SYT1: variants seen among roughly 807,000 people sequenced by gnomAD.
SYT1 encodes synaptotagmin-1.
SYT1 carries 8 observed loss-of-function variants against 44.8 expected under a neutral mutation model. The ratio of observed to expected loss-of-function variants is 0.18; its 90% CI spans 0.10 to 0.32. The LOEUF (loss-of-function observed/expected upper bound fraction) is 0.32. Among genes scored for constraint, SYT1 ranks in the 10% least tolerant of loss-of-function variants. The pLI, the probability that SYT1 is intolerant of heterozygous loss-of-function variation, is 1.00. For synonymous variants in SYT1, 154 were observed against 188.8 expected (o/e 0.82, Z 1.51); for missense variants, 286 against 509.3 (o/e 0.56, Z 4.22).
chr12:79,206,642 T>G (rs1305877254), intron 3 of SYT1, among the ~76,000 whole-genome samples: 2 of 152,342 alleles, frequency 1.3e-5, no homozygotes, highest in African/African-American at 2.4e-5. Flanking sequence ...CATCACTCAA[T>G]GCTCTCAGTT....
intron 9 of SYT1, among the ~76,000 whole-genome samples, chr12:79,376,180 T>C (rs776386312): frequency 2.0e-5 from 3 of 152,190 alleles, no homozygotes; most frequent in Non-Finnish European, 4.4e-5. Flanking sequence ...AGAGGGTTCT[T>C]GGATCTTGTG....
intron 2 of SYT1, among the ~76,000 whole-genome samples, chr12:78,994,943 C>A (rs540022342): frequency 6.6e-5 from 10 of 152,052 alleles, no homozygotes; most frequent in Non-Finnish European, 1.2e-4. Context: ...AATTGGTCAT[C>A]CCACCTGTGA....
At chr12:79,290,851 C>G (rs1223355717) in intron 5 of SYT1, among the ~76,000 whole-genome samples, 3 of 152,140 alleles carry the variant, frequency 2.0e-5, no homozygotes, top group Non-Finnish European at 2.9e-5. Flanking sequence ...AGGATATGTA[C>G]AGGCAGTCCC....
chr12:78,872,257 T>C (rs1873861570), intron 1 of SYT1, among the ~76,000 whole-genome samples: 1 of 151,814 alleles, frequency 6.6e-6, no homozygotes, highest in African/African-American at 2.4e-5. Context: ...AACGACTTGT[T>C]TTTTTTCTGG....
Position 79,449,372 on chromosome 12 carries a change from A to C in SYT1, c.*248A>C, listed in dbSNP as rs1870915770. On this transcript the variant is annotated 3_prime_UTR_variant, in exon 11 of 11. Transcript: ENST00000261205. Reference sequence around the variant, plus strand: ...ATGATGTGTAGATAGAGCATGAATGAAATTATTTATTGTATCACACTGTTG... The same window carrying C: ...ATGATGTGTAGATAGAGCATGAATGCAATTATTTATTGTATCACACTGTTG... 4.1e-6 allele frequency: 2 copies of C among 488,638 alleles called. No homozygotes were observed. The highest frequency in any genetic ancestry group is 4.9e-5 in the South Asian group (2 of 40,410). The allele number at this position is 488,638 out of a possible 1,614,324, so 30.3% of individuals were successfully genotyped here. A position where few individuals can be genotyped will look rare whatever the true frequency, so the allele number is the denominator to read the frequency against.
At chr12:78,893,867 G>A (rs996974769) in intron 1 of SYT1, among the ~76,000 whole-genome samples, 2 of 151,514 alleles carry the variant, frequency 1.3e-5, no homozygotes, top group Non-Finnish European at 3.0e-5. Flanking sequence ...TAATAATAAA[G>A]TTGCCCTCTG....
intron 9 of SYT1, among the ~76,000 whole-genome samples, chr12:79,382,437 C>T (rs1281815278): frequency 6.6e-6 from 1 of 152,086 alleles, no homozygotes; most frequent in African/African-American, 2.4e-5. Context: ...GCACTCTTCT[C>T]CCTTCTCCCG....
chr12:78,972,307 A>G (rs1868435741), intron 1 of SYT1, among the ~76,000 whole-genome samples: 1 of 152,076 alleles, frequency 6.6e-6, no homozygotes, highest in African/African-American at 2.4e-5. Context: ...GCTTATACGT[A>G]AGGTCAAAAA....
At chr12:79,274,581 C>A (rs931846390) in intron 4 of SYT1, among the ~76,000 whole-genome samples, 4 of 152,210 alleles carry the variant, frequency 2.6e-5, no homozygotes, top group African/African-American at 9.6e-5. Flanking sequence ...ACTTGGCTCA[C>A]CCAACCCCCA....
At chr12:79,212,498 G>GAAA (rs5799420) in intron 3 of SYT1, among the ~76,000 whole-genome samples, 7 of 142,866 alleles carry the variant, frequency 4.9e-5, no homozygotes, top group Non-Finnish European at 9.2e-5. Flanking sequence ...AAAGTAAAAT[G>GAAA]AAAAAAAAAA....
chr12:79,162,387 C>T (rs1421064538), intron 3 of SYT1, among the ~76,000 whole-genome samples: 2 of 152,098 alleles, frequency 1.3e-5, no homozygotes, highest in African/African-American at 4.8e-5. Flanking sequence ...ACCACACTGC[C>T]TTATATTCTC....
intron 3 of SYT1, among the ~76,000 whole-genome samples, chr12:79,206,392 T>C (rs1247990483): frequency 6.6e-6 from 1 of 152,180 alleles, no homozygotes; most frequent in African/African-American, 2.4e-5. Context: ...TTTGAGTGAT[T>C]TGTTGACTGG....
rs149640350 is a variant in SYT1, at chr12:79,257,371, T to G, written c.167-28416T>G. Among the ~76,000 whole-genome samples the G allele has an allele frequency of 3.3e-5, 5 of 152,382 alleles. No homozygotes were observed. The East Asian group carries it at 9.6e-4, about 29-fold the overall frequency. On this transcript the variant is annotated intron_variant, in intron 4 of 10. Coordinates refer to ENST00000261205, the MANE Select transcript of SYT1 (RefSeq NM_005639.3). ...TATTAACTAAATCTATTTATCATCT[T>G]GCCAGTGGTACTACAGTGAGGTCAC...
chr12:79,364,422 T>C (rs1311320126), intron 9 of SYT1, among the ~76,000 whole-genome samples: 1 of 152,108 alleles, frequency 6.6e-6, no homozygotes, highest in Non-Finnish European at 1.5e-5. Flanking sequence ...GATAAGGCAA[T>C]GATTCAGCAT....
rs537597709 is a variant in SYT1, at chr12:79,203,796, C to G, written c.-17-13707C>G. ...GTCCCCAAATTAATTCATTGGCACA[C>G]AACAGAAGGTAGAATTTGGGGAGAA... On this transcript the variant is annotated intron_variant, in intron 3 of 10. Coordinates refer to ENST00000261205, the MANE Select transcript of SYT1 (RefSeq NM_005639.3). 5.3e-5 allele frequency among the ~76,000 whole-genome samples: 8 copies of G among 152,264 alleles called. No individual in the cohort carries two copies. In the South Asian group the frequency reaches 1.7e-3, roughly 32 times the overall value.
chr12:79,106,341 G>A (rs958711220), intron 3 of SYT1, among the ~76,000 whole-genome samples: 2 of 152,140 alleles, frequency 1.3e-5, no homozygotes, highest in African/African-American at 2.4e-5. Context: ...TGAGATAGGC[G>A]AGTGATCCAC....
At chr12:79,178,554 C>A (rs1321871379) in intron 3 of SYT1, among the ~76,000 whole-genome samples, 4 of 151,504 alleles carry the variant, frequency 2.6e-5, no homozygotes. Context: ...TGTTTTTTTC[C>A]TATGGGCAAT....
chr12:79,206,057 A>C (rs980882638), intron 3 of SYT1, among the ~76,000 whole-genome samples: 3 of 152,212 alleles, frequency 2.0e-5, no homozygotes, highest in African/African-American at 7.2e-5. Flanking sequence ...AAATGGTTTC[A>C]TATAATTTGA....
At chr12:78,873,233 G>T (rs1461775462) in intron 1 of SYT1, among the ~76,000 whole-genome samples, 1 of 151,552 alleles carries the variant, frequency 6.6e-6, no homozygotes, top group African/African-American at 2.4e-5. Context: ...GGAACTTACT[G>T]CCTCAGCACT....
Sources: allele counts gnomAD v4.1 joint callset (sites outside exome capture counted in the v4.1 genomes callset), GRCh38; gene constraint gnomAD v4.1.1; transcripts MANE v1.5; gene names NCBI Gene and HGNC (gene_info 2026-07-23, HGNC 2026-07-21).